The following KCNQ1 variants were observed in gnomAD, a reference collection of about 807,000 sequenced individuals.
The protein encoded by KCNQ1 is potassium voltage-gated channel subfamily Q member 1.
A neutral mutation model predicts 72.4 loss-of-function variants in KCNQ1; 49 were observed. That is an observed-to-expected ratio of 0.68 (90% CI 0.54 to 0.86). KCNQ1 has a LOEUF of 0.86. Ranked by LOEUF, KCNQ1 falls within the 40% of genes least tolerant of loss-of-function variation. The probability of loss-of-function intolerance (pLI) is 0.00; values close to 1 mark genes in which losing one functional copy is unlikely to be tolerated. For missense variants in KCNQ1, 790 were observed against 945.1 expected (o/e 0.84, Z 2.15); for synonymous variants, 450 against 412.6 (o/e 1.09, Z -1.10).
intron 15 of KCNQ1, among the ~76,000 whole-genome samples, chr11:2,799,658 C>A (rs1233182020): frequency 6.6e-6 from 1 of 152,140 alleles, no homozygotes; most frequent in African/African-American, 2.4e-5. Flanking sequence ...CAGGGAGCAG[C>A]ATCTGTGCTG....
rs1846654291 is a variant in KCNQ1 at position 2,481,729 on chromosome 11, GCCT to G, written c.386+36250_386+36252del. ...ACTATGCATGTGAGGGATCTAGGTT[GCCT>G]CCTCTTTATAAGAATCTAATGCCTG... On this transcript the variant is annotated intron_variant, in intron 1 of 15. Transcript: ENST00000155840. This position sits in a 1 kb window ranked among gnomAD's most constrained non-coding sequence, Gnocchi z 4.6. Among the ~76,000 whole-genome samples, 1 of 152,192 alleles carries G rather than the reference GCCT, an allele frequency of 6.6e-6. No individual in the cohort carries two copies. Among genetic ancestry groups the G allele is most frequent in the South Asian group, 2.1e-4 (1 of 4,822 alleles).
rs1219005808 is a variant in KCNQ1 at position 2,752,772 on chromosome 11, GAC to G, written c.1515-16064_1515-16063del. Among the ~76,000 whole-genome samples, 1 of 152,168 alleles carries G rather than the reference GAC, an allele frequency of 6.6e-6. No individual in the cohort carries two copies. Among genetic ancestry groups the G allele is most frequent in the Non-Finnish European group, 1.5e-5 (1 of 68,032 alleles). The stretch of plus-strand genomic sequence containing the variant: ...GCTTTCGACATAGGGACTTTGGGAA[GAC>G]ACACACATTCAGACTACAGCACCTT... On this transcript the variant is annotated intron_variant, in intron 11 of 15. Coordinates refer to ENST00000155840, the MANE Select transcript of KCNQ1 (RefSeq NM_000218.3). The surrounding 1 kb of genome is among the most constrained non-coding windows in gnomAD (Gnocchi z 5.2).
At chr11:2,837,396 T>C (rs1263107085) in intron 15 of KCNQ1, among the ~76,000 whole-genome samples, 1 of 151,940 alleles carries the variant, frequency 6.6e-6, no homozygotes, top group Non-Finnish European at 1.5e-5. Context: ...CGCTCCGCGC[T>C]CACAGCCTCC....
intron 6 of KCNQ1, among the ~76,000 whole-genome samples, chr11:2,581,448 G>A (rs1166831979): frequency 6.6e-6 from 1 of 152,184 alleles, no homozygotes; most frequent in Non-Finnish European, 1.5e-5. Context: ...TGTGCATGTG[G>A]GTGCAGGCCC....
intron 6 of KCNQ1, among the ~76,000 whole-genome samples, chr11:2,581,774 T>G (rs1300094861): frequency 6.6e-6 from 1 of 152,242 alleles, no homozygotes; most frequent in African/African-American, 2.4e-5. Flanking sequence ...CATCTCTGCA[T>G]GGGGCACGCT....
intron 1 of KCNQ1, among the ~76,000 whole-genome samples, chr11:2,524,438 G>A (rs1847459090): frequency 6.6e-6 from 1 of 152,194 alleles, no homozygotes; most frequent in East Asian, 1.9e-4. Context: ...TGTGTTTGAT[G>A]ATAGTGTGGC....
intron 15 of KCNQ1, among the ~76,000 whole-genome samples, chr11:2,786,949 GT>G (rs5789272): frequency 0.067 from 8,000 of 120,290 alleles, 254 homozygotes; most frequent in Non-Finnish European, 0.09. Context: ...TTTCGTTTCT[GT>G]TTTTTTTTTT....
intron 15 of KCNQ1, among the ~76,000 whole-genome samples, chr11:2,844,015 G>A (rs554454324): frequency 2.0e-5 from 3 of 152,328 alleles, no homozygotes; most frequent in African/African-American, 4.8e-5. Flanking sequence ...CCCCCAGGGC[G>A]GCAGCTCCCC....
intron 11 of KCNQ1, chr11:2,680,553 A>G: frequency 2.5e-6 from 1 of 398,586 alleles, no homozygotes; most frequent in Non-Finnish European, 4.4e-6. Flanking sequence ...CTAAGAAACA[A>G]CACAGAGAAA....
At chr11:2,570,174 G>A (rs993515353) in intron 2 of KCNQ1, among the ~76,000 whole-genome samples, 1 of 140,852 alleles carries the variant, frequency 7.1e-6, no homozygotes, top group Non-Finnish European at 1.5e-5. Context: ...TGGGGTTCCT[G>A]GTGTGGGGCC....
intron 10 of KCNQ1, chr11:2,644,028 T>G (rs1428510157): frequency 2.5e-6 from 1 of 398,452 alleles, no homozygotes; most frequent in Non-Finnish European, 4.4e-6. Flanking sequence ...GGTTTTATGA[T>G]TCTCTCTTTG....
rs1847852123 is a variant in KCNQ1, at chr11:2,826,898, A to G, written c.1795-20869A>G. Among the ~76,000 whole-genome samples the G allele has an allele frequency of 6.6e-6, 1 of 152,232 alleles. No individual in the cohort carries two copies. Among genetic ancestry groups the G allele is most frequent in the Non-Finnish European group, 1.5e-5 (1 of 68,018 alleles). On this transcript the variant is annotated intron_variant, in intron 15 of 15. Coordinates refer to ENST00000155840, the MANE Select transcript of KCNQ1 (RefSeq NM_000218.3). This position sits in a 1 kb window ranked among gnomAD's most constrained non-coding sequence, Gnocchi z 4.2. The stretch of plus-strand genomic sequence containing the variant: ...TGTCTGGTCCTGGAGTGACAAGGAC[A>G]GGGAGGAAGAAAGCCAGGCAGGTGG...
chr11:2,687,059 C>T lies in KCNQ1; in HGVS notation c.1514+24978C>T, dbSNP rs772315434. The T allele has an allele frequency of 4.8e-5, 19 of 398,528 alleles. No individual in the cohort carries two copies. The highest frequency in any genetic ancestry group is 3.8e-4 in the South Asian group (3 of 7,854). The allele number at this position is 398,528 out of a possible 1,614,324, so 24.7% of individuals were successfully genotyped here. ...CAGTCCCAGCTCTGGGGGACAAGGA[C>T]CCACAAAGTGATGCAAGATATCCTG... is the stretch of plus-strand genomic sequence containing the variant. On this transcript the variant is annotated intron_variant, in intron 11 of 15. Transcript: ENST00000155840. The surrounding 1 kb of genome is among the most constrained non-coding windows in gnomAD (Gnocchi z 5.0).
chr11:2,688,090 G>A lies in KCNQ1; in HGVS notation c.1514+26009G>A, dbSNP rs542382320. ...GGTGCTTCTAGGGCCTGGGTATGCTGGAGTCAGGCAGGGGACCTGGTGGGG... is the reference window on the plus strand; with the variant it reads ...GGTGCTTCTAGGGCCTGGGTATGCTAGAGTCAGGCAGGGGACCTGGTGGGG... On this transcript the variant is annotated intron_variant, in intron 11 of 15. Transcript: ENST00000155840. 5 of 399,010 alleles carry A rather than the reference G, an allele frequency of 1.3e-5. No homozygotes were observed. The East Asian group carries it at 1.8e-4, about 14-fold the overall frequency. The allele number at this position is 399,010 out of a possible 1,614,324, so 24.7% of individuals were successfully genotyped here.
intron 1 of KCNQ1, among the ~76,000 whole-genome samples, chr11:2,505,966 T>A (rs1847097139): frequency 6.6e-6 from 1 of 152,222 alleles, no homozygotes; most frequent in African/African-American, 2.4e-5. Context: ...ATACAGACTT[T>A]ACATTTTCAT....
intron 6 of KCNQ1, among the ~76,000 whole-genome samples, chr11:2,582,850 G>C (rs1848522325): frequency 6.6e-6 from 1 of 152,192 alleles, no homozygotes; most frequent in African/African-American, 2.4e-5. Context: ...TGCCAGCGCG[G>C]GGGAAAGGGT....
intron 11 of KCNQ1, among the ~76,000 whole-genome samples, chr11:2,744,169 A>T (rs962755769): frequency 1.3e-5 from 2 of 152,262 alleles, no homozygotes; most frequent in African/African-American, 4.8e-5. Flanking sequence ...AAAAGAGATT[A>T]TTACAGGGAG....
At chr11:2,459,208 C>T (rs1343749295) in intron 1 of KCNQ1, among the ~76,000 whole-genome samples, 1 of 152,200 alleles carries the variant, frequency 6.6e-6, no homozygotes, top group Non-Finnish European at 1.5e-5. Flanking sequence ...GGTGGGGACA[C>T]TGTGGTCTGT....
rs1222172970 is a variant in KCNQ1, at chr11:2,669,577, T to C, written c.1514+7496T>C. 1 of 398,618 alleles carries C rather than the reference T, an allele frequency of 2.5e-6. No homozygotes were observed. The highest frequency in any genetic ancestry group is 3.6e-5 in the East Asian group (1 of 28,080). The allele number at this position is 398,618 out of a possible 1,614,324, so 24.7% of individuals were successfully genotyped here. On this transcript the variant is annotated intron_variant, in intron 11 of 15. Transcript: ENST00000155840. The surrounding 1 kb of genome is among the most constrained non-coding windows in gnomAD (Gnocchi z 5.6). ...GGGAGCCCTGGCCAGCTTGGGTCAT[T>C]TCATCCTGCCCACAGGACACTGGGG...
Sources: allele counts gnomAD v4.1 joint callset (sites outside exome capture counted in the v4.1 genomes callset), GRCh38; gene constraint gnomAD v4.1.1; non-coding constraint Gnocchi (gnomAD v3.1); transcripts MANE v1.5; gene names NCBI Gene and HGNC (gene_info 2026-07-23, HGNC 2026-07-21).